The following SLIT2 variants were observed in gnomAD, a reference collection of about 807,000 sequenced individuals.
The protein encoded by SLIT2 is slit guidance ligand 2, also known as slit homolog 2 protein.
A neutral mutation model predicts 185.7 loss-of-function variants in SLIT2; 41 were observed. That is an observed-to-expected ratio of 0.22 (90% confidence interval 0.17 to 0.29). The LOEUF is 0.29. Among genes scored for constraint, SLIT2 ranks in the 10% least tolerant of loss-of-function variants. SLIT2 has a pLI of 1.00. For synonymous variants in SLIT2, 693 were observed against 680.2 expected (o/e 1.02, Z -0.29); for missense variants, 1,571 against 1,909.0 (o/e 0.82, Z 3.30).
At position 20,254,020 on chromosome 4, in the gene SLIT2, CT is replaced by C. The variant is rs774549451; in HGVS notation, c.179+27del. The C allele has an allele frequency of 1.1e-5, 17 of 1,589,188 alleles. No homozygotes were observed. Among genetic ancestry groups the C allele is most frequent in the South Asian group, 5.5e-5 (5 of 90,320 alleles). On this transcript the variant is annotated intron_variant, in intron 1 of 36. Coordinates refer to ENST00000504154, the MANE Select transcript of SLIT2 (RefSeq NM_004787.4). The surrounding 1 kb of genome is among the most constrained non-coding windows in gnomAD (Gnocchi z 5.1). The stretch of plus-strand genomic sequence containing the variant: ...GTGAGTATGCGCTCTTCGTCTTCCC[CT>C]CTCCCCATCCGGGCCGCGCACCCCT...
chr4:20,331,922 AT>A (rs1370948747), intron 4 of SLIT2, among the ~76,000 whole-genome samples: 5 of 152,128 alleles, frequency 3.3e-5, no homozygotes, highest in African/African-American at 9.7e-5. Flanking sequence ...AATATTTTCA[AT>A]GTTCTTTCAT....
At chr4:20,332,406 A>G (rs1165261895) in intron 4 of SLIT2, among the ~76,000 whole-genome samples, 1 of 152,160 alleles carries the variant, frequency 6.6e-6, no homozygotes, top group Non-Finnish European at 1.5e-5. Flanking sequence ...GTAGTAATAG[A>G]CAAGTTAAAA....
chr4:20,350,488 T>C (rs1721781993), intron 4 of SLIT2, among the ~76,000 whole-genome samples: 1 of 152,200 alleles, frequency 6.6e-6, no homozygotes, highest in African/African-American at 2.4e-5. Flanking sequence ...ATGGCTCATC[T>C]CATAAGATCC....
intron 4 of SLIT2, among the ~76,000 whole-genome samples, chr4:20,378,490 C>T (rs1724217878): frequency 6.6e-6 from 1 of 152,066 alleles, no homozygotes; most frequent in Non-Finnish European, 1.5e-5. Flanking sequence ...AGATTTTGAG[C>T]TTTTTTTAAT....
chr4:20,274,435 A>C (rs1198397766), intron 4 of SLIT2, among the ~76,000 whole-genome samples: 1 of 152,192 alleles, frequency 6.6e-6, no homozygotes, highest in Non-Finnish European at 1.5e-5. Flanking sequence ...CTTGTCATGA[A>C]AGAAAGAAAA....
At chr4:20,291,904 C>CTGTGTGTG (rs35335088) in intron 4 of SLIT2, among the ~76,000 whole-genome samples, 44 of 146,968 alleles carry the variant, frequency 3.0e-4, no homozygotes, top group African/African-American at 7.3e-4. Flanking sequence ...CTGCACACCT[C>CTGTGTGTG]TGTGTGTGTG....
chr4:20,582,426 G>A (rs1022052438), intron 29 of SLIT2, among the ~76,000 whole-genome samples: 7 of 152,128 alleles, frequency 4.6e-5, no homozygotes, highest in Non-Finnish European at 1.0e-4. Context: ...CGTTATCTGC[G>A]GGTGATACGT....
At chr4:20,328,964 C>T (rs1719833555) in intron 4 of SLIT2, among the ~76,000 whole-genome samples, 2 of 151,942 alleles carry the variant, frequency 1.3e-5, no homozygotes, top group Non-Finnish European at 2.9e-5. Flanking sequence ...AGAAGAATGA[C>T]AGAGAGACAG....
intron 4 of SLIT2, among the ~76,000 whole-genome samples, chr4:20,391,555 C>A (rs1054473214): frequency 6.6e-6 from 1 of 152,138 alleles, no homozygotes; most frequent in Admixed American, 6.6e-5. Flanking sequence ...TGACACAATT[C>A]ATTTGCTGAA....
chr4:20,327,613 C>T (rs1022752744), intron 4 of SLIT2, among the ~76,000 whole-genome samples: 3 of 151,988 alleles, frequency 2.0e-5, no homozygotes, highest in South Asian at 2.1e-4. Context: ...GCTTTAAAAT[C>T]ATAATTTTAT....
chr4:20,344,502 C>T (rs1364490429), intron 4 of SLIT2, among the ~76,000 whole-genome samples: 1 of 152,098 alleles, frequency 6.6e-6, no homozygotes, highest in Non-Finnish European at 1.5e-5. Context: ...TTGATGTTGC[C>T]AGGGCATATA....
chr4:20,519,798 C>T (rs560537127), intron 12 of SLIT2, among the ~76,000 whole-genome samples: 3 of 151,720 alleles, frequency 2.0e-5, no homozygotes, highest in Admixed American at 6.6e-5. Context: ...TTTGGGAGGC[C>T]GAGGCAGGTG....
At chr4:20,414,733 A>C (rs1005632505) in intron 4 of SLIT2, among the ~76,000 whole-genome samples, 2 of 152,238 alleles carry the variant, frequency 1.3e-5, no homozygotes, top group South Asian at 4.2e-4. Context: ...TGAGAAGTAA[A>C]CTATTAATAT....
chr4:20,411,867 C>T (rs1727281949), intron 4 of SLIT2, among the ~76,000 whole-genome samples: 1 of 152,068 alleles, frequency 6.6e-6, no homozygotes, highest in Non-Finnish European at 1.5e-5. Flanking sequence ...GGTGTGCACT[C>T]CCTTGCCAGC....
intron 4 of SLIT2, among the ~76,000 whole-genome samples, chr4:20,275,093 C>T (rs1714032788): frequency 6.6e-6 from 1 of 152,092 alleles, no homozygotes; most frequent in African/African-American, 2.4e-5. Flanking sequence ...ATTGCCACTA[C>T]AATCTCAAGG....
Position 20,610,165 on chromosome 4 carries a change from G to C in SLIT2, c.3845G>C (p.Gly1282Ala). ...TLNFDSPLYV[G>A]GMPGKSNVAS... Reference sequence around the variant, plus strand: ...AATTTTGACTCTCCACTCTATGTAGGAGGTAAGCTGTCTTCCAAATTCAGG... The same window carrying C: ...AATTTTGACTCTCCACTCTATGTAGCAGGTAAGCTGTCTTCCAAATTCAGG... The change falls in exon 34 of 37, where the codon GGA becomes GCA. Residue 1282 changes from glycine (G) to alanine (A), a missense_variant and splice_region_variant. Physicochemically the swap from Gly to Ala is moderately conservative, Grantham distance 60. This residue lies in a region of SLIT2 where 146 missense variants were observed against 247.4 expected (regional missense o/e 0.59). Coordinates refer to ENST00000504154, the MANE Select transcript of SLIT2 (RefSeq NM_004787.4). 6.2e-7 allele frequency: 1 copy of C among 1,608,388 alleles called. No homozygotes were observed. Among genetic ancestry groups the C allele is most frequent in the Non-Finnish European group, 8.5e-7 (1 of 1,178,026 alleles).
intron 33 of SLIT2, among the ~76,000 whole-genome samples, chr4:20,601,203 G>T (rs149355386): frequency 6.6e-6 from 1 of 152,238 alleles, no homozygotes; most frequent in East Asian, 1.9e-4. Flanking sequence ...AATAGAAAAA[G>T]CTGCTGTTCT....
chr4:20,557,697 C>T (rs1230953803), intron 26 of SLIT2, among the ~76,000 whole-genome samples: 9 of 152,020 alleles, frequency 5.9e-5, no homozygotes, highest in African/African-American at 1.7e-4. Context: ...TTCAGAAATA[C>T]ATTTTATAAG....
At chr4:20,346,755 A>G (rs1439645216) in intron 4 of SLIT2, among the ~76,000 whole-genome samples, 3 of 152,206 alleles carry the variant, frequency 2.0e-5, no homozygotes, top group African/African-American at 7.2e-5. Context: ...GCCCCTGACT[A>G]TCCACTGGTG....
Sources: gnomAD v4.1 joint callset for allele counts (sites outside exome capture counted in the v4.1 genomes callset) on GRCh38, gnomAD v4.1.1 for gene constraint, gnomAD v4.1.1 regional missense constraint, Gnocchi (gnomAD v3.1) non-coding constraint, MANE v1.5 for transcripts, NCBI Gene and HGNC (gene_info 2026-07-23, HGNC 2026-07-21) for gene names.